GAA: variants seen among roughly 807,000 people sequenced by gnomAD.
GAA encodes the protein alpha glucosidase, also known as lysosomal alpha-glucosidase.
In GAA, 88 loss-of-function variants were observed where a neutral mutation model predicts 103.9. That is an observed-to-expected ratio of 0.85 (90% CI 0.71 to 1.01). GAA has a LOEUF of 1.01. Among genes scored for constraint, GAA ranks in the 50% least tolerant of loss-of-function variants. The pLI is 0.00. For synonymous variants in GAA, 572 were observed against 563.1 expected (o/e 1.02, Z -0.22); for missense variants, 1,350 against 1,305.3 (o/e 1.03, Z -0.53).
Position 80,119,330 on chromosome 17 carries a change from A to T in GAA, c.2858A>T (p.Ter953LeuextTer6). ...GAGCAGTTTCTCGTCAGCTGGTGTTAGCCGGGCGGAGTGTGTTAGTCTCTC... is the reference window on the plus strand; with the variant it reads ...GAGCAGTTTCTCGTCAGCTGGTGTTTGCCGGGCGGAGTGTGTTAGTCTCTC... ...MGEQFLVSWC* is the reference protein window; with the variant it reads ...MGEQFLVSWCL Residue 953 changes from the stop codon to leucine, a stop_lost, in exon 20 of 20, where the codon TAG becomes TTG. Transcript: ENST00000302262. The T allele has an allele frequency of 6.2e-7, 1 of 1,613,568 alleles. No homozygotes were observed. The highest frequency in any genetic ancestry group is 8.5e-7 in the Non-Finnish European group (1 of 1,179,552).
At chr17:80,109,924 G>A (rs773418038) in intron 8 of GAA, 21 bp from the exon 9 acceptor site, 38 of 1,602,008 alleles carry the variant, frequency 2.4e-5, no homozygotes, top group Non-Finnish European at 3.2e-5. Context: ...CCCTCACCTT[G>A]ACAGGTTTCC....
chr17:80,104,540 T>C lies in GAA; in HGVS notation c.-32-15T>C. The C allele has an allele frequency of 6.4e-7, 1 of 1,564,446 alleles. No individual in the cohort carries two copies. The highest frequency in any genetic ancestry group is 8.7e-7 in the Non-Finnish European group (1 of 1,152,514). Reference sequence around the variant, plus strand: ...CCTCCCGCCTCCCTGCTGAGCCCGCTTTCTTCTCCCGCAGGCCTGTAGGAG... The same window carrying C: ...CCTCCCGCCTCCCTGCTGAGCCCGCCTTCTTCTCCCGCAGGCCTGTAGGAG... On this transcript the variant is annotated splice_polypyrimidine_tract_variant and intron_variant, in intron 1 of 19. Transcript: ENST00000302262. The surrounding 1 kb of genome is among the most constrained non-coding windows in gnomAD (Gnocchi z 4.0).
At chr17:80,106,151 A>G (rs752943302) in intron 3 of GAA, among the ~76,000 whole-genome samples, 7 of 152,230 alleles carry the variant, frequency 4.6e-5, no homozygotes, top group African/African-American at 7.2e-5. Context: ...GAAAACTCTC[A>G]GGAACGACAG....
intron 8 of GAA, 68 bp from the exon 9 acceptor site, chr17:80,109,877 C>T: frequency 1.8e-6 from 2 of 1,137,332 alleles, no homozygotes; most frequent in Non-Finnish European, 2.7e-6. Flanking sequence ...CTCACTGTCT[C>T]AGTTTTCCCC....
Position 80,107,781 on chromosome 17 carries a change from C to A in GAA, c.859-19C>A. On this transcript the variant is annotated intron_variant, in intron 4 of 19. Coordinates refer to ENST00000302262, the MANE Select transcript of GAA (RefSeq NM_000152.5). ...CTGGGGAGCGCAGGTGCTGAAGCGC[C>A]GTCTCCTGCATGTCCCAGCCCGGTG... 5 of 1,609,828 alleles carry A rather than the reference C, an allele frequency of 3.1e-6. No individual in the cohort carries two copies. The highest frequency in any genetic ancestry group is 4.2e-6 in the Non-Finnish European group (5 of 1,178,462).
Position 80,119,287 on chromosome 17 carries a change from G to C in GAA, c.2815G>C (p.Val939Leu). Residue 939 changes from valine to leucine, a missense_variant, in exon 20 of 20, where the codon GTC (valine) becomes CTC (leucine). Val to Leu is a conservative substitution (Grantham distance 32, BLOSUM62 1). Transcript: ENST00000302262. ...TCTTTTCCAGGTCCTGGACATCTGTGTCTCGCTGTTGATGGGAGAGCAGTT... is the reference window on the plus strand; with the variant it reads ...TCTTTTCCAGGTCCTGGACATCTGTCTCTCGCTGTTGATGGGAGAGCAGTT... ...SPDTKVLDIC[V>L]SLLMGEQFLV... is the part of the protein sequence containing the mutation. 1 of 1,614,114 alleles carries C rather than the reference G, an allele frequency of 6.2e-7. No homozygotes were observed. The highest frequency in any genetic ancestry group is 8.5e-7 in the Non-Finnish European group (1 of 1,179,958).
Position 80,107,792 on chromosome 17 carries a change from T to C in GAA, c.859-8T>C. ...AGGTGCTGAAGCGCCGTCTCCTGCA[T>C]GTCCCAGCCCGGTGCGAACCTCTAC... is the stretch of plus-strand genomic sequence containing the variant. On this transcript the variant is annotated splice_region_variant and splice_polypyrimidine_tract_variant and intron_variant, in intron 4 of 19. Transcript: ENST00000302262. 6.2e-7 allele frequency: 1 copy of C among 1,610,936 alleles called. No homozygotes were observed. Among genetic ancestry groups the C allele is most frequent in the East Asian group, 2.2e-5 (1 of 44,814 alleles).
chr17:80,117,858 G>GC, intron 17 of GAA, 109 bp downstream of exon 17: 9 of 1,139,974 alleles, frequency 7.9e-6, no homozygotes, highest in Non-Finnish European at 8.5e-6. Context: ...CTGAGGGGCC[G>GC]CCCCCCGCAG....
At chr17:80,112,539 C>T (rs752331747) in intron 12 of GAA, 39 bp from the exon 13 acceptor site, 17 of 1,611,868 alleles carry the variant, frequency 1.1e-5, no homozygotes, top group African/African-American at 4.0e-5. Context: ...CGAGTGACCC[C>T]GCTCCACACA....
At chr17:80,110,404 G>A (rs2039203892) in intron 9 of GAA, among the ~76,000 whole-genome samples, 1 of 152,208 alleles carries the variant, frequency 6.6e-6, no homozygotes, top group Non-Finnish European at 1.5e-5. Flanking sequence ...TGGTGCGGAT[G>A]TGAGGCTGCC....
Position 80,108,561 on chromosome 17 carries a change from T to C in GAA, c.1148T>C (p.Ile383Thr). 1 of 1,612,878 alleles carries C rather than the reference T, an allele frequency of 6.2e-7. No individual in the cohort carries two copies. Among genetic ancestry groups the C allele is most frequent in the Non-Finnish European group, 8.5e-7 (1 of 1,179,858 alleles). ...LCRWGYSSTA[I>T]TRQVVENMTR... ...CGCTGGGGCTACTCCTCCACCGCTA[T>C]CACCCGCCAGGTGGTGGAGAACATG... Residue 383 changes from isoleucine to threonine, a missense_variant, in exon 7 of 20, where the codon ATC becomes ACC. Ile to Thr is a moderately conservative substitution (Grantham distance 89). Coordinates refer to ENST00000302262, the MANE Select transcript of GAA (RefSeq NM_000152.5).
intron 9 of GAA, among the ~76,000 whole-genome samples, chr17:80,110,362 G>A (rs1351394293): frequency 2.0e-5 from 3 of 152,196 alleles, no homozygotes; most frequent in Non-Finnish European, 4.4e-5. Context: ...CTCCAGGCAG[G>A]GCCCCCGCTG....
intron 5 of GAA, 131 bp downstream of exon 5, chr17:80,108,027 G>A (rs1052860171): frequency 1.9e-6 from 2 of 1,047,192 alleles, no homozygotes; most frequent in African/African-American, 1.6e-5. Context: ...GAGTCCTATG[G>A]GCTGATGCCT....
intron 12 of GAA, 123 bp downstream of exon 12, chr17:80,112,223 G>T (rs959548041): frequency 2.1e-6 from 2 of 971,696 alleles, no homozygotes; most frequent in Admixed American, 1.8e-5. Flanking sequence ...GCCCGCTGGC[G>T]GCCCGAGTGC....
At position 80,117,052 on chromosome 17, in the gene GAA, C is replaced by T. The variant is rs150431943; in HGVS notation, c.2274C>T (p.Ala758=). The T allele has an allele frequency of 6.2e-5, 100 of 1,613,548 alleles. No homozygotes were observed. The highest frequency in any genetic ancestry group is 2.3e-4 in the African/African-American group (17 of 75,046). The change falls in exon 16 of 20, where the codon GCC becomes GCT. Residue 758 remains alanine, a synonymous_variant. Transcript: ENST00000302262. ...EALLITPVLQ[A]GKAEVTGYFP... ...TGCTCATCACCCCAGTGCTCCAGGC[C>T]GGGAAGGCCGAAGTGACTGGCTACT...
At chr17:80,112,389 C>T in intron 12 of GAA, 189 bp from the exon 13 acceptor site, 1 of 734,448 alleles carries the variant, frequency 1.4e-6, no homozygotes, top group Non-Finnish European at 2.3e-6. Context: ...TCCTGGCTCA[C>T]CTACAGGCAT....
Position 80,110,829 on chromosome 17 carries a change from G to A in GAA, c.1540G>A (p.Gly514Ser), listed in dbSNP as rs777571608. 5 of 1,613,988 alleles carry A rather than the reference G, an allele frequency of 3.1e-6. No individual in the cohort carries two copies. Among genetic ancestry groups the A allele is most frequent in the South Asian group, 1.1e-5 (1 of 91,084 alleles). Reference protein sequence around the residue: ...AEFHDQVPFDGMWIDMNEPSN... With the variant: ...AEFHDQVPFDSMWIDMNEPSN... The stretch of plus-strand genomic sequence containing the variant: ...GTTCCATGACCAGGTGCCCTTCGAC[G>A]GCATGTGGATTGTAAGTGTGGCCCC... Residue 514 changes from glycine to serine, a missense_variant, in exon 10 of 20, where the codon GGC becomes AGC. Transcript: ENST00000302262.
intron 13 of GAA, 66 bp from the exon 14 acceptor site, chr17:80,112,810 G>A: frequency 6.3e-7 from 1 of 1,581,156 alleles, no homozygotes; most frequent in East Asian, 2.3e-5. Context: ...GTGGGGCTCT[G>A]GGTCACTTGG....
chr17:80,112,096 C>G lies in GAA; in HGVS notation c.1750C>G (p.His584Asp), dbSNP rs780475756. Residue 584 changes from histidine to aspartate, a missense_variant, in exon 12 of 20, where the codon CAC becomes GAC. Physicochemically the swap from His to Asp is moderately conservative, Grantham distance 81. Coordinates refer to ENST00000302262, the MANE Select transcript of GAA (RefSeq NM_000152.5). ...LYGLTEAIAS[H>D]RALVKARGTR... ...CGGCCTGACCGAAGCCATCGCCTCCCACAGGTGAGGGCCACGTCCCGCCCC... is the reference window on the plus strand; with the variant it reads ...CGGCCTGACCGAAGCCATCGCCTCCGACAGGTGAGGGCCACGTCCCGCCCC... The G allele has an allele frequency of 1.9e-6, 3 of 1,613,068 alleles. No homozygotes were observed. The highest frequency in any genetic ancestry group is 1.3e-5 in the African/African-American group (1 of 74,918).
Sources: gnomAD v4.1 joint callset for allele counts (sites outside exome capture counted in the v4.1 genomes callset) on GRCh38, gnomAD v4.1.1 for gene constraint, Gnocchi (gnomAD v3.1) non-coding constraint, MANE v1.5 for transcripts, NCBI Gene and HGNC (gene_info 2026-07-23, HGNC 2026-07-21) for gene names.